BAG6: variants seen among roughly 807,000 people sequenced by gnomAD.
The protein encoded by BAG6 is large proline-rich protein BAG6.
In BAG6, 22 loss-of-function variants were observed where a neutral mutation model predicts 121.0. That is an observed-to-expected ratio of 0.18 (90% confidence interval 0.13 to 0.26). The LOEUF is 0.26. Ranked by LOEUF, BAG6 falls within the 10% of genes least tolerant of loss-of-function variation. The pLI, the probability that BAG6 is intolerant of heterozygous loss-of-function variation, is 1.00. For missense variants in BAG6, 1,233 were observed against 1,537.7 expected (o/e 0.80, Z 3.31); for synonymous variants, 583 against 584.6 (o/e 1.00, Z 0.04).
intron 14 of BAG6, 144 bp from the exon 15 acceptor site, chr6:31,643,259 A>C: frequency 1.2e-6 from 1 of 802,316 alleles, no homozygotes; most frequent in Non-Finnish European, 1.9e-6. Flanking sequence ...TACCAGAAAA[A>C]AAAAAAGACA....
intron 9 of BAG6, 52 bp from the exon 10 acceptor site, chr6:31,645,250 C>T (rs766026077): frequency 1.3e-6 from 2 of 1,599,622 alleles, no homozygotes; most frequent in Non-Finnish European, 1.7e-6. Context: ...AGAGCCTAAC[C>T]AAGAAAACCT....
chr6:31,639,475 T>C (rs771543249), intron 25 of BAG6, 25 bp downstream of exon 25: 7 of 1,609,292 alleles, frequency 4.3e-6, no homozygotes, highest in African/African-American at 1.3e-5. Context: ...CACTAGACCA[T>C]CCCTATTCTG....
In BAG6 at chr6:31,641,719, A is replaced by T; in HGVS notation, c.2505+57T>A. ...TTTACCTGGCAGAGAAGCAGTCAGA[A>T]ATAAGGAATAAAATGTGCAAAAGAG... is the stretch of plus-strand genomic sequence containing the variant. On this transcript the variant is annotated intron_variant, in intron 17 of 25. Transcript: ENST00000676615. The surrounding 1 kb of genome is among the most constrained non-coding windows in gnomAD (Gnocchi z 5.7). 1.2e-6 allele frequency: 2 copies of T among 1,611,810 alleles called. No homozygotes were observed. The highest frequency in any genetic ancestry group is 1.7e-6 in the Non-Finnish European group (2 of 1,178,210).
In BAG6 at chr6:31,641,778, G is replaced by A. The variant is rs761607672; in HGVS notation, c.2503C>T (p.Arg835Trp). Reference sequence around the variant, plus strand: ...TGGGGCCCCTGGCCTTCATTTACCCGGATGTTACTGGGTGTGGGCTCCTGA... The same window carrying A: ...TGGGGCCCCTGGCCTTCATTTACCCAGATGTTACTGGGTGTGGGCTCCTGA... ...GGQEPTPSNIRMATHTLITGL... is the reference protein window; with the variant it reads ...GGQEPTPSNIWMATHTLITGL... The change falls in exon 17 of 26, where the codon CGG (arginine) becomes TGG (tryptophan). Residue 835 changes from arginine to tryptophan, a missense_variant and splice_region_variant. This residue lies in a region of BAG6 where 288 missense variants were observed against 483.1 expected (regional missense o/e 0.60). Coordinates refer to ENST00000676615, the MANE Select transcript of BAG6 (RefSeq NM_001387994.1). This position sits in a 1 kb window ranked among gnomAD's most constrained non-coding sequence, Gnocchi z 5.7. 14 of 1,612,914 alleles carry A rather than the reference G, an allele frequency of 8.7e-6. No individual in the cohort carries two copies. The highest frequency in any genetic ancestry group is 4.5e-5 in the East Asian group (2 of 44,880).
In BAG6 at chr6:31,641,519, A is replaced by G. The variant is rs1782753400; in HGVS notation, c.2559+20T>C. On this transcript the variant is annotated intron_variant, in intron 18 of 25. Coordinates refer to ENST00000676615, the MANE Select transcript of BAG6 (RefSeq NM_001387994.1). The surrounding 1 kb of genome is among the most constrained non-coding windows in gnomAD (Gnocchi z 5.7). ...TTGACCAGACCCAGGAGAGGAAAGG[A>G]ATAGAGAAGGGTTACTCACAAAACT... The G allele has an allele frequency of 6.2e-7, 1 of 1,614,158 alleles. No homozygotes were observed.
intron 2 of BAG6, 92 bp from the exon 3 acceptor site, chr6:31,649,719 AACC>A (rs1346576773): frequency 1.2e-5 from 13 of 1,063,452 alleles, no homozygotes; most frequent in Non-Finnish European, 1.9e-5. Context: ...GAGGGGTAAA[AACC>A]ACCACAGAAT....
rs373845420 is a variant in BAG6, at chr6:31,644,529, G to A, written c.1443C>T (p.Thr481=). ...CCCTGATGCCCTCACTCTTACCCAG[G>A]GTTTGGCCATGACCAGGGGGTCCCA... ...GPLGPPGHGQ[T]LGSTLIQLPS... Residue 481 remains threonine (T), a synonymous_variant, in exon 11 of 26, where the codon ACC becomes ACT. Coordinates refer to ENST00000676615, the MANE Select transcript of BAG6 (RefSeq NM_001387994.1). This position sits in a 1 kb window ranked among gnomAD's most constrained non-coding sequence, Gnocchi z 4.9. 6.7e-5 allele frequency: 108 copies of A among 1,610,166 alleles called. No individual in the cohort carries two copies. Among genetic ancestry groups the A allele is most frequent in the Middle Eastern group, 1.7e-4 (1 of 6,050 alleles).
At chr6:31,648,829 C>G in intron 5 of BAG6, 78 bp from the exon 6 acceptor site, 1 of 1,594,032 alleles carries the variant, frequency 6.3e-7, no homozygotes, top group Non-Finnish European at 8.6e-7. Context: ...CAGGTCCCAG[C>G]CATCTCTCAG....
At position 31,640,619 on chromosome 6, in the gene BAG6, C is replaced by G; in HGVS notation, c.2994+26G>C. On this transcript the variant is annotated intron_variant, in intron 22 of 25. Transcript: ENST00000676615. The surrounding 1 kb of genome is among the most constrained non-coding windows in gnomAD (Gnocchi z 4.2). ...GCCCTCCACTCCACATTATCTGGCC[C>G]CTCAACCTCCCCCTCTCTAGAGTAC... is the stretch of plus-strand genomic sequence containing the variant. 6.2e-7 allele frequency: 1 copy of G among 1,612,910 alleles called. No individual in the cohort carries two copies. Among genetic ancestry groups the G allele is most frequent in the Non-Finnish European group, 8.5e-7 (1 of 1,179,906 alleles).
chr6:31,652,243 A>G (rs813115), intron 1 of BAG6, 181 bp downstream of exon 1: 70,538 of 161,306 alleles, frequency 0.44, 16,303 homozygotes, highest in African/African-American at 0.59. Context: ...ACGGGGCGAC[A>G]GACCTGCTAG....
rs112317450 is a variant in BAG6, at chr6:31,641,427, G to C, written c.2560-5C>G. On this transcript the variant is annotated splice_region_variant and splice_polypyrimidine_tract_variant and intron_variant, in intron 18 of 25. Coordinates refer to ENST00000676615, the MANE Select transcript of BAG6 (RefSeq NM_001387994.1). The surrounding 1 kb of genome is among the most constrained non-coding windows in gnomAD (Gnocchi z 5.7). The stretch of plus-strand genomic sequence containing the variant: ...TGGCTGAACCTGCACCAAGGACTGA[G>C]AGACAAGATAACACAAAGATCCCAA... 3 of 1,614,088 alleles carry C rather than the reference G, an allele frequency of 1.9e-6. No individual in the cohort carries two copies. The highest frequency in any genetic ancestry group is 1.1e-5 in the South Asian group (1 of 91,096).
intron 5 of BAG6, 78 bp from the exon 6 acceptor site, chr6:31,648,829 C>A (rs1793162726): frequency 3.8e-6 from 6 of 1,594,028 alleles, no homozygotes; most frequent in Non-Finnish European, 5.1e-6. Context: ...CAGGTCCCAG[C>A]CATCTCTCAG....
rs1583293187 is a variant in BAG6 at position 31,640,465 on chromosome 6, G to A, written c.3058C>T (p.Pro1020Ser). ...TCCCGGGAGCCCCCCTCAGGAGCAG[G>A]AGGTGGACCTCGGGACATGGCCTCT... The part of the protein sequence containing the change: ...AEEAMSRGPP[P>S]APEGGSRDEQ... The change falls in exon 23 of 26, where the codon CCT becomes TCT. Residue 1020 changes from proline to serine, a missense_variant. This residue lies in a region of BAG6 where 288 missense variants were observed against 483.1 expected (regional missense o/e 0.60). Coordinates refer to ENST00000676615, the MANE Select transcript of BAG6 (RefSeq NM_001387994.1). This position sits in a 1 kb window ranked among gnomAD's most constrained non-coding sequence, Gnocchi z 4.2. 6.2e-7 allele frequency: 1 copy of A among 1,613,420 alleles called. No homozygotes were observed. The highest frequency in any genetic ancestry group is 8.5e-7 in the Non-Finnish European group (1 of 1,180,032).
At chr6:31,646,267 T>A in intron 8 of BAG6, 127 bp downstream of exon 8, 1 of 1,397,858 alleles carries the variant, frequency 7.2e-7, no homozygotes, top group Non-Finnish European at 9.7e-7. Flanking sequence ...ATTACAGGCG[T>A]GAGCCACTGC....
Position 31,642,209 on chromosome 6 carries a change from C to T in BAG6, c.2238G>A (p.Leu746=). 1 of 1,612,874 alleles carries T rather than the reference C, an allele frequency of 6.2e-7. No homozygotes were observed. Among genetic ancestry groups the T allele is most frequent in the Non-Finnish European group, 8.5e-7 (1 of 1,179,974 alleles). Residue 746 remains leucine (L), a synonymous_variant, in exon 16 of 26, where the codon CTG becomes CTA. Transcript: ENST00000676615. Reference sequence around the variant, plus strand: ...TTTCACTGCTGCCAGCCCGAGCCCCCAGGGAGCCCAGCAGGGAGCTGAGCA... The same window carrying T: ...TTTCACTGCTGCCAGCCCGAGCCCCTAGGGAGCCCAGCAGGGAGCTGAGCA... ...QGVLSSLLGS[L]GARAGSSESI... is the part of the protein sequence containing the mutation.
Position 31,642,880 on chromosome 6 carries a change from C to T in BAG6, c.1992G>A (p.Val664=), listed in dbSNP as rs748541876. ...GSGVASPTIT[V]AMPGVPAFLQ... is the part of the protein sequence containing the mutation. ...GAAAGGCAGGGACACCAGGCATCGCCACAGTGATGGTGGGAGAAGCCACAC... is the reference window on the plus strand; with the variant it reads ...GAAAGGCAGGGACACCAGGCATCGCTACAGTGATGGTGGGAGAAGCCACAC... The change falls in exon 15 of 26, where the codon GTG becomes GTA. Residue 664 remains valine (V), a synonymous_variant. Transcript: ENST00000676615. The T allele has an allele frequency of 1.2e-6, 2 of 1,612,240 alleles. No homozygotes were observed. The highest frequency in any genetic ancestry group is 3.3e-5 in the Admixed American group (2 of 59,934).
chr6:31,646,099 C>T (rs373533829), intron 8 of BAG6, among the ~76,000 whole-genome samples: 39 of 152,318 alleles, frequency 2.6e-4, no homozygotes, highest in East Asian at 1.2e-3. Flanking sequence ...GATTCTCCTG[C>T]CTCAGCCTCC....
At chr6:31,639,722 T>C in intron 24 of BAG6, 76 bp from the exon 25 acceptor site, 21 of 1,501,248 alleles carry the variant, frequency 1.4e-5, no homozygotes, top group Non-Finnish European at 1.9e-5. Context: ...ACCCTTTCCA[T>C]GAGTCAACCA....
chr6:31,641,986 C>G lies in BAG6; in HGVS notation c.2336-41G>C. ...AGATGTTAGCAATGGCCTTTACCAC[C>G]TGGCCTGCCCACCCACAACCAGATC... On this transcript the variant is annotated intron_variant, in intron 16 of 25. Transcript: ENST00000676615. This position sits in a 1 kb window ranked among gnomAD's most constrained non-coding sequence, Gnocchi z 5.7. The G allele has an allele frequency of 6.2e-7, 1 of 1,606,330 alleles. No individual in the cohort carries two copies. The highest frequency in any genetic ancestry group is 8.5e-7 in the Non-Finnish European group (1 of 1,175,546).
Sources: gnomAD v4.1 joint callset for allele counts (sites outside exome capture counted in the v4.1 genomes callset) on GRCh38, gnomAD v4.1.1 for gene constraint, gnomAD v4.1.1 regional missense constraint, Gnocchi (gnomAD v3.1) non-coding constraint, MANE v1.5 for transcripts, NCBI Gene and HGNC (gene_info 2026-07-23, HGNC 2026-07-21) for gene names.